The following SLC36A4 variants were observed in gnomAD, a reference collection of about 807,000 sequenced individuals.
The protein encoded by SLC36A4 is neutral amino acid uniporter 4.
A neutral mutation model predicts 50.5 loss-of-function variants in SLC36A4; 49 were observed. The observed-to-expected ratio is 0.97, with a 90% confidence interval of 0.77 to 1.23. SLC36A4 has a LOEUF of 1.23. SLC36A4 is among the 50% of genes most tolerant of loss of function. SLC36A4 has a pLI of 0.00. For synonymous variants in SLC36A4, 207 were observed against 206.5 expected (o/e 1.00, Z -0.02); for missense variants, 611 against 608.4 (o/e 1.00, Z -0.05).
chr11:93,197,447 G>A, intron 1 of SLC36A4: 2 of 441,746 alleles, frequency 4.5e-6, no homozygotes, highest in Non-Finnish European at 8.1e-6. Context: ...AAGCATCATT[G>A]GGAAAAAAAC....
chr11:93,181,476 G>T (rs192235908), intron 5 of SLC36A4, among the ~76,000 whole-genome samples: 7 of 151,996 alleles, frequency 4.6e-5, no homozygotes, highest in Admixed American at 3.9e-4. Context: ...TTCATACTGA[G>T]AAAAACAAAC....
At position 93,146,571 on chromosome 11, in the gene SLC36A4, A is replaced by G. The variant is rs1289503202; in HGVS notation, c.*1966T>C. ...TTTGTACCAAAATAAAGCTTCTGAT[A>G]TATCTTTAGGATTGTATTTGATGAT... On this transcript the variant is annotated 3_prime_UTR_variant, in exon 11 of 11. Coordinates refer to ENST00000326402, the MANE Select transcript of SLC36A4 (RefSeq NM_152313.4). The G allele has an allele frequency of 2.0e-5, 3 of 152,032 alleles. No individual in the cohort carries two copies. Among genetic ancestry groups the G allele is most frequent in the Non-Finnish European group, 2.9e-5 (2 of 67,948 alleles). The allele number at this position is 152,032 out of a possible 1,614,324, so 9.4% of individuals were successfully genotyped here.
chr11:93,161,198 AT>A (rs1352076908), intron 9 of SLC36A4, among the ~76,000 whole-genome samples: 1 of 152,190 alleles, frequency 6.6e-6, no homozygotes, highest in African/African-American at 2.4e-5. Context: ...ATTGTACAGT[AT>A]TTGAAAAGAT....
chr11:93,164,951 T>C (rs1464498536), intron 8 of SLC36A4, among the ~76,000 whole-genome samples: 1 of 152,072 alleles, frequency 6.6e-6, no homozygotes, highest in African/African-American at 2.4e-5. Context: ...ATGTCAGACT[T>C]TGGAATTGTT....
chr11:93,158,649 C>A (rs964228189), intron 9 of SLC36A4, among the ~76,000 whole-genome samples: 2 of 152,020 alleles, frequency 1.3e-5, no homozygotes, highest in African/African-American at 4.8e-5. Flanking sequence ...TTTCAAGAAC[C>A]CACTTATTTC....
chr11:93,152,117 T>TC (rs1860117912), intron 10 of SLC36A4: 1 of 152,118 alleles, frequency 6.6e-6, no homozygotes, highest in African/African-American at 2.4e-5. Flanking sequence ...AGTCCACTTC[T>TC]TTAAGGACTA....
chr11:93,179,699 C>G (rs928998140), intron 6 of SLC36A4, among the ~76,000 whole-genome samples: 2 of 152,164 alleles, frequency 1.3e-5, no homozygotes, highest in Non-Finnish European at 2.9e-5. Context: ...TACTAAAAAT[C>G]TAAGTGAATG....
intron 6 of SLC36A4, among the ~76,000 whole-genome samples, chr11:93,176,945 C>T (rs1003872706): frequency 6.6e-6 from 1 of 152,054 alleles, no homozygotes; most frequent in Non-Finnish European, 1.5e-5. Context: ...TTGCTCTTCT[C>T]GAGGTGTTAC....
intron 1 of SLC36A4, among the ~76,000 whole-genome samples, chr11:93,189,732 C>A (rs1451309657): frequency 1.3e-5 from 2 of 152,086 alleles, no homozygotes; most frequent in African/African-American, 2.4e-5. Context: ...AAAAACTGAA[C>A]AATCTGTTAT....
chr11:93,185,406 T>A (rs1861939276), intron 2 of SLC36A4: 3 of 237,852 alleles, frequency 1.3e-5, no homozygotes, highest in African/African-American at 2.2e-5. Context: ...TACCTCCTGA[T>A]CATTTCAGAC....
At chr11:93,184,841 A>T (rs571007987) in intron 2 of SLC36A4, among the ~76,000 whole-genome samples, 17 of 152,248 alleles carry the variant, frequency 1.1e-4, no homozygotes, top group Non-Finnish European at 2.1e-4. Context: ...GAAGCAATAA[A>T]TTTTTTTTAA....
At chr11:93,153,055 CTTTGCA>C (rs1860171716) in intron 10 of SLC36A4, among the ~76,000 whole-genome samples, 1 of 151,994 alleles carries the variant, frequency 6.6e-6, no homozygotes, top group Non-Finnish European at 1.5e-5. Flanking sequence ...ACTTTTTCAG[CTTTGCA>C]TTTCCCATTT....
Position 93,178,094 on chromosome 11 carries a change from C to T in SLC36A4, c.540+2703G>A, listed in dbSNP as rs1001696067. Among the ~76,000 whole-genome samples the T allele has an allele frequency of 7.2e-5, 11 of 152,318 alleles. 1 individual carries two copies. The highest frequency in any genetic ancestry group is 4.1e-4 in the South Asian group (2 of 4,832). On this transcript the variant is annotated intron_variant, in intron 6 of 10. Coordinates refer to ENST00000326402, the MANE Select transcript of SLC36A4 (RefSeq NM_152313.4). Reference sequence around the variant, plus strand: ...ATGGCGGACGCCCCTCCACCAGCCTCGCTGCCGCCTTGCAGTTCGATCTCA... The same window carrying T: ...ATGGCGGACGCCCCTCCACCAGCCTTGCTGCCGCCTTGCAGTTCGATCTCA...
intron 1 of SLC36A4, among the ~76,000 whole-genome samples, chr11:93,188,750 A>G (rs1394853871): frequency 1.3e-5 from 2 of 152,204 alleles, no homozygotes; most frequent in East Asian, 1.9e-4. Flanking sequence ...TACTCTATAC[A>G]AAATACACTG....
intron 10 of SLC36A4, among the ~76,000 whole-genome samples, chr11:93,153,402 C>T (rs1860193788): frequency 6.6e-6 from 1 of 152,010 alleles, no homozygotes; most frequent in Admixed American, 6.6e-5. Flanking sequence ...CATCAAAATG[C>T]CATAAGGAAG....
rs963352104 is a variant in SLC36A4, at chr11:93,157,657, G to A, written c.1038-3380C>T. On this transcript the variant is annotated intron_variant, in intron 9 of 10. Transcript: ENST00000326402. ...ATTCACAATTGCCACATAAAGATTT[G>A]GCTCTCAGCTTGACTGTTATTGGTG... is the stretch of plus-strand genomic sequence containing the variant. 2.6e-5 allele frequency among the ~76,000 whole-genome samples: 4 copies of A among 152,126 alleles called. No homozygotes were observed. The East Asian group carries it at 7.7e-4, about 29-fold the overall frequency.
intron 1 of SLC36A4, among the ~76,000 whole-genome samples, chr11:93,191,416 G>T (rs1862213306): frequency 1.3e-5 from 2 of 152,180 alleles, no homozygotes; most frequent in Non-Finnish European, 2.9e-5. Context: ...TATGGCAGAA[G>T]ATTAAGCTGG....
At chr11:93,181,512 G>C (rs1040678029) in intron 5 of SLC36A4, among the ~76,000 whole-genome samples, 179 bp downstream of exon 5, 1 of 152,012 alleles carries the variant, frequency 6.6e-6, no homozygotes, top group Non-Finnish European at 1.5e-5. Context: ...TTTGATCAAG[G>C]TCAGAAAGCT....
chr11:93,178,128 T>C (rs962012553), intron 6 of SLC36A4, among the ~76,000 whole-genome samples: 1 of 152,152 alleles, frequency 6.6e-6, no homozygotes, highest in African/African-American at 2.4e-5. Flanking sequence ...CAGACTGCTG[T>C]GCTAGTGAGC....
Sources: allele counts gnomAD v4.1 joint callset (sites outside exome capture counted in the v4.1 genomes callset), GRCh38; gene constraint gnomAD v4.1.1; transcripts MANE v1.5; gene names NCBI Gene and HGNC (gene_info 2026-07-23, HGNC 2026-07-21).